The following EMSY variants were observed in gnomAD, a reference collection of about 807,000 sequenced individuals.
The protein encoded by EMSY is EMSY transcriptional repressor, BRCA2 interacting.
Under a neutral mutation model 134.6 loss-of-function variants are expected in EMSY, and 26 were observed. The ratio of observed to expected loss-of-function variants is 0.19; its 90% CI spans 0.14 to 0.27. The LOEUF (loss-of-function observed/expected upper bound fraction) is 0.27. EMSY is among the 10% of genes least tolerant of loss of function. EMSY has a pLI of 1.00. For missense variants in EMSY, 1,305 were observed against 1,611.4 expected, an observed-to-expected ratio of 0.81 and a Z score of 3.26; for synonymous variants, 579 against 577.8, an observed-to-expected ratio of 1.00 and a Z score of -0.03.
At chr11:76,469,852 C>T (rs1445972331) in intron 7 of EMSY, among the ~76,000 whole-genome samples, 1 of 152,134 alleles carries the variant, frequency 6.6e-6, no homozygotes, top group African/African-American at 2.4e-5. Context: ...CAGCTTGTAT[C>T]ATGGTTGATT....
intron 8 of EMSY, among the ~76,000 whole-genome samples, chr11:76,487,059 C>T (rs1373395872): frequency 6.6e-6 from 1 of 152,204 alleles, no homozygotes; most frequent in Non-Finnish European, 1.5e-5. Flanking sequence ...AGGCGGATCA[C>T]TAGACCAGGA....
chr11:76,523,104 AAG>A, intron 11 of EMSY, 49 bp from the exon 13 acceptor site: 1 of 1,540,512 alleles, frequency 6.5e-7, no homozygotes, highest in Non-Finnish European at 8.7e-7. Flanking sequence ...AAAAATAACC[AAG>A]TATCTCTAGT....
At chr11:76,494,240 C>T (rs1475995704) in intron 8 of EMSY, among the ~76,000 whole-genome samples, 1 of 152,228 alleles carries the variant, frequency 6.6e-6, no homozygotes, top group Non-Finnish European at 1.5e-5. Context: ...AGAATGAGCC[C>T]AGTGGGCAAG....
chr11:76,524,115 T>C (rs1008058424), intron 12 of EMSY, among the ~76,000 whole-genome samples: 1 of 152,144 alleles, frequency 6.6e-6, no homozygotes, highest in African/African-American at 2.4e-5. Flanking sequence ...GTAGGAGGGT[T>C]GGAGTTAGAC....
chr11:76,514,734 C>G (rs1267481069), intron 10 of EMSY, among the ~76,000 whole-genome samples: 1 of 152,164 alleles, frequency 6.6e-6, no homozygotes, highest in Non-Finnish European at 1.5e-5. Context: ...TGTGTTCATT[C>G]AACAATAATG....
Position 76,455,078 on chromosome 11 carries a change from A to G in EMSY, c.245+1690A>G, listed in dbSNP as rs1434688317. Among the ~76,000 whole-genome samples the G allele has an allele frequency of 2.6e-5, 4 of 152,096 alleles. No individual in the cohort carries two copies. In the South Asian group the frequency reaches 6.2e-4, roughly 24 times the overall value. Reference sequence around the variant, plus strand: ...AGGTTTGGTGGAAGAATTTACAAGTATTTGCCAAAATATTTTTGGATAATA... The same window carrying G: ...AGGTTTGGTGGAAGAATTTACAAGTGTTTGCCAAAATATTTTTGGATAATA... On this transcript the variant is annotated intron_variant, in intron 4 of 20. Coordinates refer to ENST00000334736, the Ensembl canonical transcript of EMSY.
At chr11:76,518,864 G>GTT in intron 11 of EMSY, among the ~76,000 whole-genome samples, 1 of 149,226 alleles carries the variant, frequency 6.7e-6, no homozygotes, top group Admixed American at 6.7e-5. Flanking sequence ...TGTCTTGTGT[G>GTT]TGTGTGTGTG....
chr11:76,465,069 T>A (rs2135202856), intron 7 of EMSY, among the ~76,000 whole-genome samples: 2 of 152,308 alleles, frequency 1.3e-5, no homozygotes, highest in South Asian at 4.1e-4. Context: ...ATTTCATCGA[T>A]TAGGTTGTAT....
intron 9 of EMSY, among the ~76,000 whole-genome samples, chr11:76,499,184 A>G (rs1030974683): frequency 1.3e-5 from 2 of 151,214 alleles, no homozygotes; most frequent in African/African-American, 4.9e-5. Flanking sequence ...CTGGTCTCGA[A>G]TGCTGATCTC....
Position 76,539,583 on chromosome 11 carries a change from T to A in EMSY, c.2516-16T>A. Reference sequence around the variant, plus strand: ...GATGAAAAGACTATGATTTCTTCCCTTACTTATCCTTTCAGAACGCACTGA... The same window carrying A: ...GATGAAAAGACTATGATTTCTTCCCATACTTATCCTTTCAGAACGCACTGA... On this transcript the variant is annotated splice_polypyrimidine_tract_variant and intron_variant, in intron 16 of 20. Transcript: ENST00000334736. 6.2e-7 allele frequency: 1 copy of A among 1,613,416 alleles called. No individual in the cohort carries two copies. The highest frequency in any genetic ancestry group is 1.1e-5 in the South Asian group (1 of 91,066).
At chr11:76,500,608 G>A (rs767868488) in intron 9 of EMSY, among the ~76,000 whole-genome samples, 1 of 152,224 alleles carries the variant, frequency 6.6e-6, no homozygotes. Flanking sequence ...AGTAATGTAT[G>A]CTCCAAAGCT....
chr11:76,549,996 G>A, exon 21 of EMSY: 1 of 1,613,626 alleles, frequency 6.2e-7, no homozygotes, highest in South Asian at 1.1e-5. Context: ...GCTCCAATGT[G>A]GTGGTGGAGC....
chr11:76,468,831 T>A (rs1948461624), intron 7 of EMSY, among the ~76,000 whole-genome samples: 2 of 152,172 alleles, frequency 1.3e-5, no homozygotes, highest in South Asian at 4.1e-4. Context: ...GCTTGATTGA[T>A]ATTTTTCATT....
chr11:76,515,271 G>GA (rs908453817), intron 10 of EMSY, among the ~76,000 whole-genome samples: 2 of 151,728 alleles, frequency 1.3e-5, no homozygotes, highest in African/African-American at 4.8e-5. Context: ...TGATTATCAT[G>GA]AAAGATTTCT....
exon 21 of EMSY, chr11:76,550,032 C>T (rs1192839025): frequency 1.9e-6 from 3 of 1,613,936 alleles, no homozygotes; most frequent in Middle Eastern, 3.3e-4. Context: ...AGCTAAACAA[C>T]TTCACTAGTC....
At chr11:76,482,031 A>G (rs907369809) in intron 8 of EMSY, among the ~76,000 whole-genome samples, 15 of 152,148 alleles carry the variant, frequency 9.9e-5, no homozygotes, top group African/African-American at 3.6e-4. Context: ...CCCCTCTGGG[A>G]CAAAGCCTCC....
At chr11:76,527,264 G>A (rs1038858826) in intron 13 of EMSY, among the ~76,000 whole-genome samples, 1 of 151,914 alleles carries the variant, frequency 6.6e-6, no homozygotes, top group African/African-American at 2.4e-5. Context: ...AGGTATTAAT[G>A]TACCTATAAA....
rs142720178 is a variant in EMSY, at chr11:76,461,782, A to C, written c.571+1697A>C. Among the ~76,000 whole-genome samples, 20 of 152,174 alleles carry C rather than the reference A, an allele frequency of 1.3e-4. No individual in the cohort carries two copies. In the East Asian group the frequency reaches 3.9e-3, roughly 29 times the overall value. ...CTCTGTCTCTACTAAAAATACAAAA[A>C]CTAGTCAGGTGTGGTGGCGGGCGCC... On this transcript the variant is annotated intron_variant, in intron 6 of 20. Transcript: ENST00000334736.
chr11:76,523,266 T>C (rs1344335877), exon 12 of EMSY: 1 of 1,613,104 alleles, frequency 6.2e-7, no homozygotes, highest in Admixed American at 1.7e-5. Flanking sequence ...GGCAAAAATG[T>C]TGTCACAACG....
Sources: gnomAD v4.1 joint callset for allele counts (sites outside exome capture counted in the v4.1 genomes callset) on GRCh38, gnomAD v4.1.1 for gene constraint, MANE v1.5 for transcripts, NCBI Gene and HGNC (gene_info 2026-07-23, HGNC 2026-07-21) for gene names.